The following TRPC5 variants were observed in gnomAD, a reference collection of about 807,000 sequenced individuals.
The protein encoded by TRPC5 is transient receptor potential cation channel subfamily C member 5.
A neutral mutation model predicts 56.5 loss-of-function variants in TRPC5; 9 were observed. The ratio of observed to expected loss-of-function variants is 0.16; its 90% CI spans 0.10 to 0.28. The LOEUF (loss-of-function observed/expected upper bound fraction) is 0.28. Among genes scored for constraint, TRPC5 ranks in the 10% least tolerant of loss-of-function variants. TRPC5 has a pLI of 1.00. For missense variants in TRPC5, 469 were observed against 748.9 expected (o/e 0.63, Z 4.36); for synonymous variants, 282 against 278.5 (o/e 1.01, Z -0.13).
rs145923669 is a variant in TRPC5, at chrX:111,823,339, C to A, written c.1896+11582G>T. ...GTACCCCCTGCAGCGTTTGCAGAGA[C>A]AATGCTCCTCCCTCCTTCCCTGAAG... On this transcript the variant is annotated intron_variant, in intron 7 of 10. Coordinates refer to ENST00000262839, the MANE Select transcript of TRPC5 (RefSeq NM_012471.3). 2.0e-4 allele frequency among the ~76,000 whole-genome samples: 22 copies of A among 111,929 alleles called. No homozygotes were observed. The East Asian group carries it at 6.0e-3, about 30-fold the overall frequency.
At chrX:111,870,583 T>C (rs974382430) in intron 3 of TRPC5, among the ~76,000 whole-genome samples, 2 of 111,820 alleles carry the variant, frequency 1.8e-5, no homozygotes, top group African/African-American at 3.3e-5. Flanking sequence ...TGCAATGGGA[T>C]AAATAAACAC....
At position 111,801,369 on chromosome X, in the gene TRPC5, G is replaced by A. The variant is rs759444488; in HGVS notation, c.1897-19231C>T. On this transcript the variant is annotated intron_variant, in intron 7 of 10. Coordinates refer to ENST00000262839, the MANE Select transcript of TRPC5 (RefSeq NM_012471.3). ...TTCTCCTATGAGTATTTGTGTACGA[G>A]TTTTTATGGAAGTATATGTTCTTAA... Among the ~76,000 whole-genome samples the A allele has an allele frequency of 2.7e-5, 3 of 112,053 alleles. No homozygotes were observed. The East Asian group carries it at 8.4e-4, about 31-fold the overall frequency.
chrX:112,065,089 A>C (rs185436207), intron 1 of TRPC5, among the ~76,000 whole-genome samples: 2 of 110,750 alleles, frequency 1.8e-5, no homozygotes, highest in East Asian at 2.8e-4. Context: ...AAAAAAAAAA[A>C]AAAACAAAAA....
At chrX:111,784,802 G>A (rs889887359) in intron 7 of TRPC5, among the ~76,000 whole-genome samples, 6 of 112,815 alleles carry the variant, frequency 5.3e-5, no homozygotes, top group South Asian at 3.6e-4. Flanking sequence ...CCACGCCCAC[G>A]GAACCTTGCT....
intron 7 of TRPC5, among the ~76,000 whole-genome samples, chrX:111,809,246 G>A: frequency 9.0e-6 from 1 of 110,949 alleles, no homozygotes; most frequent in Non-Finnish European, 1.9e-5. Flanking sequence ...CAGTCCTTGT[G>A]GCCCAGATTA....
intron 1 of TRPC5, among the ~76,000 whole-genome samples, chrX:112,037,039 C>T (rs1929762493): frequency 8.9e-6 from 1 of 112,062 alleles, no homozygotes; most frequent in Non-Finnish European, 1.9e-5. Context: ...AAATTGCAGT[C>T]TTCTTTCAAA....
In TRPC5 at chrX:111,849,217, G is replaced by A. The variant is rs747056881; in HGVS notation, c.1378-1781C>T. 2.7e-5 allele frequency among the ~76,000 whole-genome samples: 3 copies of A among 112,270 alleles called. No individual in the cohort carries two copies. The South Asian group carries it at 1.1e-3, about 42-fold the overall frequency. On this transcript the variant is annotated intron_variant, in intron 5 of 10. Coordinates refer to ENST00000262839, the MANE Select transcript of TRPC5 (RefSeq NM_012471.3). Reference sequence around the variant, plus strand: ...CAGGGATGTCTGTTGCCCATGGGATGGTGAATCTGAATTTGTGGAACACTC... The same window carrying A: ...CAGGGATGTCTGTTGCCCATGGGATAGTGAATCTGAATTTGTGGAACACTC...
chrX:111,806,233 C>T (rs1921507986), intron 7 of TRPC5, among the ~76,000 whole-genome samples: 1 of 111,734 alleles, frequency 8.9e-6, no homozygotes, highest in Non-Finnish European at 1.9e-5. Context: ...AAGCTTAAAA[C>T]CACAAACATT....
At chrX:111,868,201 C>T (rs1923605976) in intron 3 of TRPC5, among the ~76,000 whole-genome samples, 1 of 111,959 alleles carries the variant, frequency 8.9e-6, no homozygotes, top group Non-Finnish European at 1.9e-5. Flanking sequence ...GGAAAGTCCC[C>T]TCATAGAAGC....
At chrX:112,018,151 TG>T (rs1190218161) in intron 1 of TRPC5, among the ~76,000 whole-genome samples, 2 of 112,463 alleles carry the variant, frequency 1.8e-5, no homozygotes, top group Non-Finnish European at 1.9e-5. Flanking sequence ...CTAATACAAA[TG>T]TGGCTTGTAT....
chrX:111,850,597 T>C lies in TRPC5; in HGVS notation c.1377+1701A>G, dbSNP rs3027704. On this transcript the variant is annotated intron_variant, in intron 5 of 10. Coordinates refer to ENST00000262839, the MANE Select transcript of TRPC5 (RefSeq NM_012471.3). The stretch of plus-strand genomic sequence containing the variant: ...ACAAATCCAAATTTTGCATGTGGCC[T>C]GTCTTGCTTTATAAATTCTTTTTTG... Among the ~76,000 whole-genome samples the C allele has an allele frequency of 2.1e-3, 237 of 112,033 alleles. 1 individual carries two copies. The highest frequency in any genetic ancestry group is 7.5e-3 in the African/African-American group (232 of 30,857).
intron 1 of TRPC5, among the ~76,000 whole-genome samples, chrX:112,014,957 T>C (rs144431185): frequency 0.016 from 1,787 of 111,331 alleles, 21 homozygotes; most frequent in African/African-American, 0.055. Flanking sequence ...GCTCTCCAGA[T>C]GATTCTAGTA....
intron 3 of TRPC5, among the ~76,000 whole-genome samples, chrX:111,865,037 C>T (rs1012095506): frequency 5.4e-5 from 6 of 110,576 alleles, no homozygotes; most frequent in African/African-American, 2.0e-4. Context: ...ACCGCTCTGT[C>T]TGGAGTGTAC....
chrX:111,982,450 A>T (rs773707361), intron 1 of TRPC5, among the ~76,000 whole-genome samples: 1 of 111,373 alleles, frequency 9.0e-6, no homozygotes, highest in Non-Finnish European at 1.9e-5. Context: ...GCCATTAAGC[A>T]TCCTGCCTGG....
chrX:111,960,160 T>C (rs1168346700), intron 1 of TRPC5, among the ~76,000 whole-genome samples: 1 of 112,407 alleles, frequency 8.9e-6, no homozygotes, highest in Non-Finnish European at 1.9e-5. Flanking sequence ...GTGGAAAGTT[T>C]TATTGGATAG....
At chrX:111,861,319 A>G (rs1420442601) in intron 3 of TRPC5, among the ~76,000 whole-genome samples, 9 of 112,149 alleles carry the variant, frequency 8.0e-5, no homozygotes, top group Non-Finnish European at 1.5e-4. Context: ...AAGACATATA[A>G]TATTCTTTTG....
intron 3 of TRPC5, among the ~76,000 whole-genome samples, chrX:111,863,179 A>G (rs1291680955): frequency 8.9e-6 from 1 of 111,867 alleles, no homozygotes; most frequent in African/African-American, 3.3e-5. Context: ...CATAGGGGAA[A>G]AAAAATCGGT....
intron 10 of TRPC5, among the ~76,000 whole-genome samples, chrX:111,777,838 G>A (rs1363193586): frequency 8.9e-6 from 1 of 112,606 alleles, no homozygotes; most frequent in Non-Finnish European, 1.9e-5. Flanking sequence ...TGGAAAGTCT[G>A]TCTTGACTCC....
intron 6 of TRPC5, among the ~76,000 whole-genome samples, chrX:111,845,101 G>A (rs1328809511): frequency 1.8e-5 from 2 of 110,162 alleles, no homozygotes; most frequent in Non-Finnish European, 3.8e-5. Context: ...AGCCAGGCAT[G>A]GTGGTGGGCA....
Sources: gnomAD v4.1 joint callset for allele counts (sites outside exome capture counted in the v4.1 genomes callset) on GRCh38, gnomAD v4.1.1 for gene constraint, MANE v1.5 for transcripts, NCBI Gene and HGNC (gene_info 2026-07-23, HGNC 2026-07-21) for gene names.